GPC6: variants seen among roughly 807,000 people sequenced by gnomAD.
The protein encoded by GPC6 is glypican 6.
Under a neutral mutation model 55.2 loss-of-function variants are expected in GPC6, and 14 were observed. The observed-to-expected ratio is 0.25, with a 90% CI of 0.17 to 0.40. The LOEUF is 0.40. Ranked by LOEUF, GPC6 falls within the 10% of genes least tolerant of loss-of-function variation. The pLI is 1.00. For missense variants in GPC6, 641 were observed against 708.5 expected, an observed-to-expected ratio of 0.90 and a Z score of 1.08; for synonymous variants, 278 against 259.6, an observed-to-expected ratio of 1.07 and a Z score of -0.68.
chr13:93,629,253 A>G (rs1879332620), intron 2 of GPC6, among the ~76,000 whole-genome samples: 1 of 152,136 alleles, frequency 6.6e-6, no homozygotes, highest in Non-Finnish European at 1.5e-5. Context: ...TGCTTGCTAT[A>G]CTTGGACATT....
chr13:93,580,649 T>C (rs1343421497), intron 2 of GPC6, among the ~76,000 whole-genome samples: 1 of 152,186 alleles, frequency 6.6e-6, no homozygotes, highest in African/African-American at 2.4e-5. Context: ...ATTTTACTCC[T>C]GAGAACAAAC....
At chr13:93,700,914 C>A (rs771116216) in intron 2 of GPC6, among the ~76,000 whole-genome samples, 3 of 152,038 alleles carry the variant, frequency 2.0e-5, no homozygotes, top group Non-Finnish European at 4.4e-5. Flanking sequence ...TAGACTTGAG[C>A]AATTACAACA....
chr13:94,081,365 C>T (rs1885090376), intron 4 of GPC6, among the ~76,000 whole-genome samples: 1 of 152,140 alleles, frequency 6.6e-6, no homozygotes, highest in African/African-American at 2.4e-5. Context: ...TCTTCAGTTA[C>T]TCTCCCACTG....
intron 4 of GPC6, among the ~76,000 whole-genome samples, chr13:94,055,855 T>C (rs1884114538): frequency 6.6e-6 from 1 of 152,132 alleles, no homozygotes; most frequent in African/African-American, 2.4e-5. Flanking sequence ...TTTGAGAATA[T>C]GGCGGGTGTC....
At chr13:93,787,043 G>A (rs1018998479) in intron 2 of GPC6, among the ~76,000 whole-genome samples, 4 of 152,122 alleles carry the variant, frequency 2.6e-5, no homozygotes, top group Non-Finnish European at 5.9e-5. Context: ...AACATCAACT[G>A]ATCACACAGC....
chr13:93,834,310 T>TA (rs1887651102), intron 3 of GPC6, among the ~76,000 whole-genome samples: 1 of 152,204 alleles, frequency 6.6e-6, no homozygotes, highest in African/African-American at 2.4e-5. Flanking sequence ...ATGAATGAGT[T>TA]ACAGAAACCT....
chr13:93,879,741 GC>G (rs1874837950), intron 3 of GPC6, among the ~76,000 whole-genome samples: 1 of 152,030 alleles, frequency 6.6e-6, no homozygotes, highest in Non-Finnish European at 1.5e-5. Flanking sequence ...AAGAGCTTCT[GC>G]ACAGCAAAAG....
chr13:94,318,258 A>G (rs1409403003), intron 6 of GPC6, among the ~76,000 whole-genome samples: 2 of 151,972 alleles, frequency 1.3e-5, no homozygotes, highest in Non-Finnish European at 2.9e-5. Flanking sequence ...GAGTAGACCT[A>G]TTTTTCTTTG....
chr13:93,852,224 C>T (rs1162746660), intron 3 of GPC6, among the ~76,000 whole-genome samples: 1 of 151,726 alleles, frequency 6.6e-6, no homozygotes, highest in African/African-American at 2.4e-5. Context: ...AAGGAACACA[C>T]ATGGAAGTCA....
chr13:94,247,801 C>G (rs1024163846), intron 4 of GPC6, among the ~76,000 whole-genome samples: 1 of 151,876 alleles, frequency 6.6e-6, no homozygotes, highest in Non-Finnish European at 1.5e-5. Flanking sequence ...AGATATTGGC[C>G]TGTTGTTTTC....
At chr13:93,275,004 A>G (rs1368950405) in intron 1 of GPC6, among the ~76,000 whole-genome samples, 1 of 152,220 alleles carries the variant, frequency 6.6e-6, no homozygotes, top group African/African-American at 2.4e-5. Flanking sequence ...GAATCACAAG[A>G]TTACATATCA....
intron 3 of GPC6, among the ~76,000 whole-genome samples, chr13:93,861,005 A>G (rs1410697535): frequency 7.1e-6 from 1 of 141,040 alleles, no homozygotes. Flanking sequence ...TTGCAGTTAC[A>G]TAACAGCTCT....
At chr13:93,286,131 A>T (rs1440222743) in intron 1 of GPC6, among the ~76,000 whole-genome samples, 1 of 152,108 alleles carries the variant, frequency 6.6e-6, no homozygotes, top group Non-Finnish European at 1.5e-5. Context: ...ATAGCTGGGG[A>T]GGCCTCAGGA....
chr13:93,674,118 C>T (rs916511387), intron 2 of GPC6, among the ~76,000 whole-genome samples: 7 of 152,076 alleles, frequency 4.6e-5, no homozygotes, highest in African/African-American at 1.7e-4. Context: ...AAAATGGAAG[C>T]AATGAAACAC....
intron 4 of GPC6, among the ~76,000 whole-genome samples, chr13:94,081,666 G>A (rs1885099111): frequency 6.6e-6 from 1 of 152,054 alleles, no homozygotes; most frequent in Admixed American, 6.6e-5. Flanking sequence ...TGGAAGTCCT[G>A]GAAAACAATG....
At chr13:94,076,417 C>T (rs1884916595) in intron 4 of GPC6, among the ~76,000 whole-genome samples, 1 of 151,892 alleles carries the variant, frequency 6.6e-6, no homozygotes, top group African/African-American at 2.4e-5. Flanking sequence ...CAACTGTTTT[C>T]TCCCATTATG....
At chr13:93,388,866 C>T (rs778613719) in intron 1 of GPC6, among the ~76,000 whole-genome samples, 6 of 152,154 alleles carry the variant, frequency 3.9e-5, no homozygotes, top group Non-Finnish European at 7.3e-5. Flanking sequence ...AAGGGCTTGG[C>T]AAAATGCTCA....
chr13:93,728,313 A>T (rs1015906406), intron 2 of GPC6, among the ~76,000 whole-genome samples: 1 of 151,666 alleles, frequency 6.6e-6, no homozygotes, highest in Non-Finnish European at 1.5e-5. Context: ...ATTTCCCGGG[A>T]TCAAGTAATT....
intron 3 of GPC6, among the ~76,000 whole-genome samples, chr13:93,865,997 C>T (rs1490289827): frequency 6.6e-6 from 1 of 151,620 alleles, no homozygotes; most frequent in Non-Finnish European, 1.5e-5. Flanking sequence ...AAATAGAGGG[C>T]ATGAGTCAAA....
Sources: gnomAD v4.1 joint callset for allele counts (sites outside exome capture counted in the v4.1 genomes callset) on GRCh38, gnomAD v4.1.1 for gene constraint, MANE v1.5 for transcripts, NCBI Gene and HGNC (gene_info 2026-07-23, HGNC 2026-07-21) for gene names.